The following SLC6A18 variants were observed in gnomAD, a reference collection of about 807,000 sequenced individuals.
The protein encoded by SLC6A18 is solute carrier family 6 member 18, also known as inactive sodium-dependent neutral amino acid transporter B(0)AT3.
A neutral mutation model predicts 62.9 loss-of-function variants in SLC6A18; 58 were observed. The observed-to-expected ratio is 0.92, with a 90% CI of 0.75 to 1.15. SLC6A18 has a LOEUF of 1.15. Ranked by LOEUF, SLC6A18 falls within the 50% of genes most tolerant of loss-of-function variation. SLC6A18 has a pLI of 0.00. For synonymous variants in SLC6A18, 382 were observed against 365.8 expected (o/e 1.04, Z -0.51); for missense variants, 793 against 836.6 (o/e 0.95, Z 0.64).
chr5:1,244,164 C>CCA, intron 9 of SLC6A18, 50 bp from the exon 10 acceptor site: 4 of 925,260 alleles, frequency 4.3e-6, no homozygotes, highest in Non-Finnish European at 5.1e-6. Context: ...CCTCCCCACA[C>CCA]CTCCACTCCC....
At chr5:1,229,358 G>C (rs1409644583) in intron 1 of SLC6A18, among the ~76,000 whole-genome samples, 2 of 151,872 alleles carry the variant, frequency 1.3e-5, no homozygotes, top group Non-Finnish European at 2.9e-5. Context: ...CCTAAATACA[G>C]CAGATTCAGC....
rs746920363 is a variant in SLC6A18 at position 1,243,694 on chromosome 5, C to T, written c.1271C>T (p.Ala424Val). Residue 424 changes from alanine to valine, a missense_variant, in exon 9 of 12, where the codon GCG (alanine) becomes GTG (valine). Coordinates refer to ENST00000324642, the MANE Select transcript of SLC6A18 (RefSeq NM_182632.3). The surrounding 1 kb of genome is among the most constrained non-coding windows in gnomAD (Gnocchi z 6.5). ...GLSTMFGTVE[A>V]VITPLLDVGV... Reference sequence around the variant, plus strand: ...TCGACCATGTTCGGGACCGTGGAGGCGGTCATCACACCCCTGCTGGACGTG... The same window carrying T: ...TCGACCATGTTCGGGACCGTGGAGGTGGTCATCACACCCCTGCTGGACGTG... 15 of 1,613,780 alleles carry T rather than the reference C, an allele frequency of 9.3e-6. No homozygotes were observed. The highest frequency in any genetic ancestry group is 2.2e-5 in the South Asian group (2 of 91,088).
chr5:1,233,469 C>T (rs1464144219), intron 3 of SLC6A18, among the ~76,000 whole-genome samples: 1 of 152,088 alleles, frequency 6.6e-6, no homozygotes, highest in Non-Finnish European at 1.5e-5. Flanking sequence ...CAGAGTGAGA[C>T]TCTGTATCAA....
In SLC6A18 at chr5:1,232,744, T is replaced by G; in HGVS notation, c.302-7T>G. 6.2e-7 allele frequency: 1 copy of G among 1,608,064 alleles called. No individual in the cohort carries two copies. The highest frequency in any genetic ancestry group is 8.5e-7 in the Non-Finnish European group (1 of 1,176,750). On this transcript the variant is annotated splice_polypyrimidine_tract_variant and splice_region_variant and intron_variant, in intron 2 of 11. Transcript: ENST00000324642. ...CCGGGGCCACCTGACATGGTCCCTG[T>G]CCACAGGGCTGGGCTGTGTCACGCT...
At position 1,232,319 on chromosome 5, in the gene SLC6A18, C is replaced by T. The variant is rs557717208; in HGVS notation, c.261C>T (p.Val87=). The T allele has an allele frequency of 5.0e-5, 81 of 1,612,124 alleles. No individual in the cohort carries two copies. The highest frequency in any genetic ancestry group is 6.2e-5 in the Non-Finnish European group (73 of 1,179,784). ...AIGQRLRKGS[V]GVWTAISPYL... is the part of the protein sequence containing the mutation. ...GCCAGCGGCTGCGGAAGGGCAGCGT[C>T]GGCGTGTGGACGGCCATCTCCCCGT... Residue 87 remains valine, a synonymous_variant, in exon 2 of 12, where the codon GTC becomes GTT. Transcript: ENST00000324642.
chr5:1,238,564 G>GA (rs755175876), intron 5 of SLC6A18, among the ~76,000 whole-genome samples: 2 of 40,914 alleles, frequency 4.9e-5, no homozygotes, highest in East Asian at 2.5e-4. Flanking sequence ...AGTGAGCTTG[G>GA]GGCCTCAGGA....
chr5:1,233,772 T>C (rs377267136), intron 3 of SLC6A18, among the ~76,000 whole-genome samples: 293 of 133,828 alleles, frequency 2.2e-3, no homozygotes, highest in African/African-American at 5.2e-3. Flanking sequence ...GACGGAGTCT[T>C]GCTCTGTCGC....
In SLC6A18 at chr5:1,238,050, T is replaced by C. The variant is rs774050427; in HGVS notation, c.722T>C (p.Phe241Ser). 1.9e-6 allele frequency: 3 copies of C among 1,613,778 alleles called. No homozygotes were observed. The East Asian group carries it at 6.7e-5, about 36-fold the overall frequency. The change falls in exon 5 of 12, where the codon TTC (phenylalanine) becomes TCC (serine). Residue 241 changes from phenylalanine to serine, a missense_variant. Transcript: ENST00000324642. Reference sequence around the variant, plus strand: ...GCAACAAAAGGACTCATCTACTTGTTCACTCCCAACGTAAGTGGGTCTTGG... The same window carrying C: ...GCAACAAAAGGACTCATCTACTTGTCCACTCCCAACGTAAGTGGGTCTTGG... Reference protein sequence around the residue: ...PGATKGLIYLFTPNMHILQNP... With the variant: ...PGATKGLIYLSTPNMHILQNP...
intron 6 of SLC6A18, 98 bp from the exon 7 acceptor site, chr5:1,240,433 G>C (rs1472770700): frequency 6.5e-7 from 1 of 1,547,878 alleles, no homozygotes; most frequent in Admixed American, 1.8e-5. Flanking sequence ...CCAGGCGGGA[G>C]AGAGGGTCAA....
chr5:1,235,487 T>C lies in SLC6A18; in HGVS notation c.446T>C (p.Val149Ala). ...ACAGGCCCCCTGGTTTCAGGGTTTG[T>C]GGAGGAGTGCCAGGGCAGCAGCGCC... ...CPPDLNRTGFVEECQGSSAVS... is the reference protein window; with the variant it reads ...CPPDLNRTGFAEECQGSSAVS... Residue 149 changes from valine to alanine, a missense_variant, in exon 4 of 12, where the codon GTG becomes GCG. By Grantham distance (64) the Val-to-Ala change is moderately conservative (BLOSUM62 0). Transcript: ENST00000324642. 1 of 1,613,656 alleles carries C rather than the reference T, an allele frequency of 6.2e-7. No individual in the cohort carries two copies. The highest frequency in any genetic ancestry group is 8.5e-7 in the Non-Finnish European group (1 of 1,179,804).
chr5:1,242,908 G>A (rs1402988649), intron 8 of SLC6A18, 45 bp downstream of exon 8: 3 of 1,549,220 alleles, frequency 1.9e-6, no homozygotes, highest in Non-Finnish European at 2.6e-6. Context: ...CCGTCCACAG[G>A]AGCACCAGGG....
intron 2 of SLC6A18, 102 bp downstream of exon 2, chr5:1,232,461 C>CGGCCA (rs1227390833): frequency 2.0e-6 from 3 of 1,464,498 alleles, no homozygotes; most frequent in Non-Finnish European, 1.8e-6. Flanking sequence ...GGTACGGAAG[C>CGGCCA]GGCCAGGCCA....
intron 1 of SLC6A18, among the ~76,000 whole-genome samples, chr5:1,231,612 C>G (rs1356876200): frequency 1.3e-5 from 2 of 152,230 alleles, no homozygotes; most frequent in African/African-American, 4.8e-5. Flanking sequence ...CCAACAAGAG[C>G]AGCATGAAGC....
At chr5:1,234,866 G>T (rs886517670) in intron 3 of SLC6A18, among the ~76,000 whole-genome samples, 1 of 152,204 alleles carries the variant, frequency 6.6e-6, no homozygotes, top group Admixed American at 6.5e-5. Flanking sequence ...TGGCCCGGTC[G>T]GGATACCGGT....
At chr5:1,229,121 C>G (rs1305043461) in intron 1 of SLC6A18, among the ~76,000 whole-genome samples, 1 of 152,180 alleles carries the variant, frequency 6.6e-6, no homozygotes, top group Non-Finnish European at 1.5e-5. Flanking sequence ...TACATTTATG[C>G]CCACGTGGCA....
intron 4 of SLC6A18, among the ~76,000 whole-genome samples, chr5:1,236,183 C>T (rs1291889190): frequency 1.3e-5 from 2 of 152,146 alleles, no homozygotes; most frequent in East Asian, 3.9e-4. Flanking sequence ...CAGGATCCCG[C>T]TCTATCTCCT....
At chr5:1,237,409 T>C (rs986806186) in intron 4 of SLC6A18, among the ~76,000 whole-genome samples, 1 of 151,976 alleles carries the variant, frequency 6.6e-6, no homozygotes, top group Non-Finnish European at 1.5e-5. Flanking sequence ...AACAGCTCTA[T>C]GTGGGCAGAA....
chr5:1,243,515 T>A lies in SLC6A18; in HGVS notation c.1132-40T>A. The A allele has an allele frequency of 6.3e-7, 1 of 1,599,934 alleles. No homozygotes were observed. Among genetic ancestry groups the A allele is most frequent in the Non-Finnish European group, 8.5e-7 (1 of 1,172,694 alleles). ...AGGCGTGTGTGTGTGGTGGAGTGTG[T>A]GTGTGCGTGGCCTGAAGCCCGGGGC... On this transcript the variant is annotated intron_variant, in intron 8 of 11. Coordinates refer to ENST00000324642, the MANE Select transcript of SLC6A18 (RefSeq NM_182632.3). The surrounding 1 kb of genome is among the most constrained non-coding windows in gnomAD (Gnocchi z 6.5).
At chr5:1,238,303 GA>G (rs869037153) in intron 5 of SLC6A18, among the ~76,000 whole-genome samples, 1,599 of 124,192 alleles carry the variant, frequency 0.013, 1 homozygote, top group Admixed American at 0.023. Context: ...AGTGGGCCTG[GA>G]GGACTCAGGA....
Sources: gnomAD v4.1 joint callset for allele counts (sites outside exome capture counted in the v4.1 genomes callset) on GRCh38, gnomAD v4.1.1 for gene constraint, Gnocchi (gnomAD v3.1) non-coding constraint, MANE v1.5 for transcripts, NCBI Gene and HGNC (gene_info 2026-07-23, HGNC 2026-07-21) for gene names.